Variants in NALF1 observed in about 807,000 individuals in gnomAD.
The protein encoded by NALF1 is NALCN channel auxiliary factor 1.
A neutral mutation model predicts 48.4 loss-of-function variants in NALF1; 3 were observed. The ratio of observed to expected loss-of-function variants is 0.06; its 90% CI spans 0.03 to 0.16. The LOEUF is 0.16. Among genes scored for constraint, NALF1 ranks in the 10% least tolerant of loss-of-function variants. NALF1 has a pLI of 1.00. For missense variants in NALF1, 526 were observed against 571.5 expected, an observed-to-expected ratio of 0.92 and a Z score of 0.81; for synonymous variants, 262 against 245.7, an observed-to-expected ratio of 1.07 and a Z score of -0.62.
intron 1 of NALF1, among the ~76,000 whole-genome samples, chr13:107,377,563 A>G (rs143348641): frequency 1.3e-5 from 2 of 152,296 alleles, no homozygotes; most frequent in East Asian, 3.9e-4. Context: ...CTTGAGCCCA[A>G]GAGTTCGAAA....
chr13:107,727,969 T>A (rs1377620434), intron 1 of NALF1, among the ~76,000 whole-genome samples: 1 of 152,080 alleles, frequency 6.6e-6, no homozygotes, highest in Non-Finnish European at 1.5e-5. Flanking sequence ...GAAATAAGAA[T>A]CAAAACCACA....
rs998926091 is a variant in NALF1 at position 107,818,286 on chromosome 13, G to A, written c.915+47396C>T. 3.3e-5 allele frequency among the ~76,000 whole-genome samples: 5 copies of A among 152,246 alleles called. No homozygotes were observed. The Middle Eastern group carries it at 0.017, about 518-fold the overall frequency. On this transcript the variant is annotated intron_variant, in intron 1 of 2. Transcript: ENST00000375915. Reference sequence around the variant, plus strand: ...TGCTGCTCTTCCTTTTTAAGGGATTGGGGGACATCAAAGTGGGAAAAGAGA... The same window carrying A: ...TGCTGCTCTTCCTTTTTAAGGGATTAGGGGACATCAAAGTGGGAAAAGAGA...
At chr13:107,851,956 G>C (rs889845865) in intron 1 of NALF1, among the ~76,000 whole-genome samples, 9 of 150,926 alleles carry the variant, frequency 6.0e-5, no homozygotes, top group African/African-American at 2.2e-4. Flanking sequence ...CTCAGTGCAT[G>C]CCACCATGCC....
At chr13:107,690,140 A>C (rs1027802211) in intron 1 of NALF1, among the ~76,000 whole-genome samples, 9 of 152,226 alleles carry the variant, frequency 5.9e-5, no homozygotes, top group African/African-American at 2.2e-4. Context: ...AAAGAGAAGA[A>C]TTAGAGAACT....
At chr13:107,192,055 G>A (rs1879294443) in intron 2 of NALF1, among the ~76,000 whole-genome samples, 1 of 151,750 alleles carries the variant, frequency 6.6e-6, no homozygotes, top group Admixed American at 6.6e-5. Flanking sequence ...GAGAGAGAGA[G>A]AGACAGAAAG....
At chr13:107,248,743 G>A (rs72666516) in intron 1 of NALF1, among the ~76,000 whole-genome samples, 18,967 of 151,042 alleles carry the variant, frequency 0.13, 1,559 homozygotes, top group East Asian at 0.4. Flanking sequence ...CTTCTAATGG[G>A]TAGTATTTTC....
intron 1 of NALF1, among the ~76,000 whole-genome samples, chr13:107,259,310 C>T (rs866293824): frequency 2.6e-5 from 4 of 152,154 alleles, no homozygotes; most frequent in African/African-American, 9.7e-5. Flanking sequence ...TCAGGAGTCC[C>T]AGGGATCTAT....
chr13:107,418,008 C>T (rs938003990), intron 1 of NALF1, among the ~76,000 whole-genome samples: 3 of 152,196 alleles, frequency 2.0e-5, no homozygotes, highest in African/African-American at 7.2e-5. Context: ...TTGCAGTGGG[C>T]TGAGATCACG....
intron 1 of NALF1, among the ~76,000 whole-genome samples, chr13:107,268,553 G>A (rs899457107): frequency 6.6e-6 from 1 of 152,176 alleles, no homozygotes; most frequent in Non-Finnish European, 1.5e-5. Context: ...AATACTGTTG[G>A]AGGAACCTGG....
At chr13:107,293,907 T>A (rs1193719101) in intron 1 of NALF1, among the ~76,000 whole-genome samples, 1 of 152,192 alleles carries the variant, frequency 6.6e-6, no homozygotes, top group Non-Finnish European at 1.5e-5. Flanking sequence ...TATATTAAAA[T>A]AAGCACAAGT....
intron 1 of NALF1, among the ~76,000 whole-genome samples, chr13:107,345,082 G>C (rs1365410666): frequency 6.6e-6 from 1 of 151,570 alleles, no homozygotes; most frequent in African/African-American, 2.4e-5. Context: ...TATAATAGCA[G>C]CTACACACAC....
intron 1 of NALF1, among the ~76,000 whole-genome samples, chr13:107,602,424 C>A (rs1474568519): frequency 6.6e-6 from 1 of 152,140 alleles, no homozygotes; most frequent in Non-Finnish European, 1.5e-5. Context: ...ACTTTGGGGT[C>A]CTTGGCCCAG....
chr13:107,207,973 G>A (rs528028594), intron 2 of NALF1, among the ~76,000 whole-genome samples: 1 of 152,204 alleles, frequency 6.6e-6, no homozygotes, highest in African/African-American at 2.4e-5. Context: ...CACTCTTAAG[G>A]GACACCTGTA....
At chr13:107,715,827 T>G (rs1167274858) in intron 1 of NALF1, among the ~76,000 whole-genome samples, 1 of 152,172 alleles carries the variant, frequency 6.6e-6, no homozygotes, top group African/African-American at 2.4e-5. Context: ...GGAACCTTTT[T>G]TTGAAATGTT....
At chr13:107,425,484 T>C (rs1489562051) in intron 1 of NALF1, among the ~76,000 whole-genome samples, 1 of 152,194 alleles carries the variant, frequency 6.6e-6, no homozygotes, top group African/African-American at 2.4e-5. Context: ...CAATGTACTA[T>C]GATGTTGACT....
chr13:107,482,097 G>A (rs1040616335), intron 1 of NALF1, among the ~76,000 whole-genome samples: 1 of 151,912 alleles, frequency 6.6e-6, no homozygotes, highest in Non-Finnish European at 1.5e-5. Flanking sequence ...TTAAATCATG[G>A]ACCTTGGGTA....
At chr13:107,856,572 T>C (rs1040403957) in intron 1 of NALF1, among the ~76,000 whole-genome samples, 1 of 152,198 alleles carries the variant, frequency 6.6e-6, no homozygotes, top group African/African-American at 2.4e-5. Flanking sequence ...TGGATAGGAA[T>C]CAGAGAAATA....
chr13:107,232,790 C>G (rs996996802), intron 1 of NALF1, among the ~76,000 whole-genome samples: 2 of 152,110 alleles, frequency 1.3e-5, no homozygotes, highest in Non-Finnish European at 2.9e-5. Flanking sequence ...ATAAAAAGAG[C>G]CTGCAATTTT....
At chr13:107,641,614 G>T (rs1880158803) in intron 1 of NALF1, among the ~76,000 whole-genome samples, 2 of 152,030 alleles carry the variant, frequency 1.3e-5, no homozygotes, top group Admixed American at 1.3e-4. Flanking sequence ...ATCAATAATA[G>T]CAACAATGGG....
Sources: gnomAD v4.1 joint callset for allele counts (sites outside exome capture counted in the v4.1 genomes callset) on GRCh38, gnomAD v4.1.1 for gene constraint, MANE v1.5 for transcripts, NCBI Gene and HGNC (gene_info 2026-07-23, HGNC 2026-07-21) for gene names.